GRIK4: variants seen among roughly 807,000 people sequenced by gnomAD.
GRIK4 encodes the protein glutamate receptor ionotropic, kainate 4.
Under a neutral mutation model 104.9 loss-of-function variants are expected in GRIK4, and 40 were observed. The ratio of observed to expected loss-of-function variants is 0.38; its 90% CI spans 0.30 to 0.50. GRIK4 has a LOEUF of 0.50. Ranked by LOEUF, GRIK4 falls within the 20% of genes least tolerant of loss-of-function variation. The pLI is 0.93. For synonymous variants in GRIK4, 485 were observed against 524.9 expected, an observed-to-expected ratio of 0.92 and a Z score of 1.04; for missense variants, 1,047 against 1,308.1, an observed-to-expected ratio of 0.80 and a Z score of 3.08.
chr11:120,868,353 G>A (rs1193636581), intron 9 of GRIK4: 4 of 152,212 alleles, frequency 2.6e-5, no homozygotes, highest in African/African-American at 7.2e-5. Context: ...GGCCAAGAAA[G>A]AGGAGAGGAT....
At chr11:120,980,815 T>C (rs998692422) in intron 19 of GRIK4, among the ~76,000 whole-genome samples, 1 of 152,142 alleles carries the variant, frequency 6.6e-6, no homozygotes, top group African/African-American at 2.4e-5. Flanking sequence ...AGATTTTCAG[T>C]TGTAGGCAGG....
At chr11:120,826,374 C>T (rs571866986) in intron 6 of GRIK4, among the ~76,000 whole-genome samples, 15 of 152,194 alleles carry the variant, frequency 9.9e-5, no homozygotes, top group South Asian at 6.2e-4. Context: ...TGGCCTGTCC[C>T]GGGACCTCTG....
In GRIK4 at chr11:120,939,107, A is replaced by G. The variant is rs1373855811; in HGVS notation, c.1477-1240A>G. On this transcript the variant is annotated intron_variant, in intron 13 of 20. Coordinates refer to ENST00000527524, the MANE Select transcript of GRIK4 (RefSeq NM_014619.5). This position sits in a 1 kb window ranked among gnomAD's most constrained non-coding sequence, Gnocchi z 5.6. Reference sequence around the variant, plus strand: ...TGGTTGTTAGAGTAGAGGATGCATTAGAACTGAGCACCAGTTCTGGGCTTT... The same window carrying G: ...TGGTTGTTAGAGTAGAGGATGCATTGGAACTGAGCACCAGTTCTGGGCTTT... Among the ~76,000 whole-genome samples, 1 of 140,370 alleles carries G rather than the reference A, an allele frequency of 7.1e-6. No individual in the cohort carries two copies. The highest frequency in any genetic ancestry group is 1.6e-5 in the Non-Finnish European group (1 of 62,158). 92.1% of individuals were successfully genotyped at this position (140,370 alleles called of 152,430 possible). A position where few individuals can be genotyped will look rare whatever the true frequency, so the allele number is the denominator to read the frequency against.
At chr11:120,724,799 T>C (rs1950999495) in intron 3 of GRIK4, among the ~76,000 whole-genome samples, 2 of 152,268 alleles carry the variant, frequency 1.3e-5, no homozygotes, top group Admixed American at 1.3e-4. Context: ...TGTTTTGTTC[T>C]GAATTTTACC....
chr11:120,921,919 T>A (rs1408207452), intron 13 of GRIK4, among the ~76,000 whole-genome samples: 1 of 152,180 alleles, frequency 6.6e-6, no homozygotes, highest in Non-Finnish European at 1.5e-5. Flanking sequence ...TTAGGATAAA[T>A]CTGCTCTATC....
chr11:120,753,544 TC>T (rs1951598820), intron 3 of GRIK4, among the ~76,000 whole-genome samples: 1 of 152,188 alleles, frequency 6.6e-6, no homozygotes, highest in Non-Finnish European at 1.5e-5. Context: ...GGAGACTGTT[TC>T]CCTGATGGTG....
intron 3 of GRIK4, among the ~76,000 whole-genome samples, chr11:120,739,017 C>T (rs972727977): frequency 3.9e-5 from 6 of 152,312 alleles, no homozygotes; most frequent in African/African-American, 1.4e-4. Flanking sequence ...AGAAGTTTCA[C>T]AGCAGGGCTG....
Position 120,986,280 on chromosome 11 carries a change from C to T in GRIK4, c.*20C>T. On this transcript the variant is annotated 3_prime_UTR_variant, in exon 21 of 21. Coordinates refer to ENST00000527524, the MANE Select transcript of GRIK4 (RefSeq NM_014619.5). ...GAGTAGTCCCGGAGGCCACAGGACG[C>T]GCAGAGGCCGGGCGGGGCGGGAGGG... is the stretch of plus-strand genomic sequence containing the variant. 3 of 1,489,176 alleles carry T rather than the reference C, an allele frequency of 2.0e-6. No individual in the cohort carries two copies. The highest frequency in any genetic ancestry group is 2.0e-5 in the Admixed American group (1 of 49,182). 92.2% of individuals were successfully genotyped at this position (1,489,176 alleles called of 1,614,324 possible).
intron 1 of GRIK4, among the ~76,000 whole-genome samples, chr11:120,531,582 C>CT (rs58143284): frequency 0.02 from 2,891 of 146,790 alleles, 78 homozygotes; most frequent in African/African-American, 0.063. Context: ...TTTTCTTTTT[C>CT]TTTTTTTTTT....
intron 3 of GRIK4, among the ~76,000 whole-genome samples, chr11:120,765,991 T>G (rs1474805835): frequency 6.6e-6 from 1 of 152,220 alleles, no homozygotes; most frequent in Admixed American, 6.5e-5. Flanking sequence ...TGCTGGGAGA[T>G]CCACTGCTCT....
At chr11:120,730,578 G>GT (rs35206662) in intron 3 of GRIK4, among the ~76,000 whole-genome samples, 70,912 of 150,724 alleles carry the variant, frequency 0.47, 17,152 homozygotes, top group South Asian at 0.54. Context: ...ATACATTTTA[G>GT]TTTTTTTTTC....
chr11:120,787,560 G>C (rs535668182), intron 3 of GRIK4, among the ~76,000 whole-genome samples: 1 of 151,118 alleles, frequency 6.6e-6, no homozygotes, highest in Middle Eastern at 3.2e-3. Context: ...TGCCTCCTGG[G>C]TTCAAGTGAT....
intron 3 of GRIK4, among the ~76,000 whole-genome samples, chr11:120,720,135 G>A (rs1280800138): frequency 6.6e-6 from 1 of 152,154 alleles, no homozygotes; most frequent in Non-Finnish European, 1.5e-5. Flanking sequence ...AGCAGGTTGT[G>A]TGTGTTGTGG....
chr11:120,700,454 A>G (rs757266213), intron 3 of GRIK4, among the ~76,000 whole-genome samples: 28 of 149,670 alleles, frequency 1.9e-4, no homozygotes, highest in Admixed American at 4.0e-4. Flanking sequence ...TTGTATTTTT[A>G]TTTTTTATTA....
chr11:120,873,799 A>G (rs560031232), intron 9 of GRIK4: 30 of 357,302 alleles, frequency 8.4e-5, no homozygotes, highest in Non-Finnish European at 1.3e-4. Context: ...ACTTGAAGTC[A>G]TGTGGGGCCC....
At chr11:120,871,654 G>C (rs1161919432) in intron 9 of GRIK4, 1 of 456,274 alleles carries the variant, frequency 2.2e-6, no homozygotes, top group Non-Finnish European at 4.4e-6. Flanking sequence ...AGACTCGACG[G>C]AGGCCGAGGG....
At chr11:120,698,868 A>G (rs981394633) in intron 3 of GRIK4, among the ~76,000 whole-genome samples, 5 of 152,100 alleles carry the variant, frequency 3.3e-5, no homozygotes, top group African/African-American at 1.2e-4. Flanking sequence ...ATTTTTCTCT[A>G]TTTTTGGTGC....
At chr11:120,782,226 C>G (rs932491992) in intron 3 of GRIK4, among the ~76,000 whole-genome samples, 1 of 151,962 alleles carries the variant, frequency 6.6e-6, no homozygotes, top group East Asian at 1.9e-4. Flanking sequence ...CTGTCCTGTC[C>G]GTCAGTCTAT....
intron 3 of GRIK4, among the ~76,000 whole-genome samples, chr11:120,681,413 T>G (rs1950191438): frequency 1.3e-5 from 2 of 152,166 alleles, no homozygotes; most frequent in Non-Finnish European, 2.9e-5. Flanking sequence ...GTGCGGTTCC[T>G]CTCTCTCGAG....
Sources: gnomAD v4.1 joint callset for allele counts (sites outside exome capture counted in the v4.1 genomes callset) on GRCh38, gnomAD v4.1.1 for gene constraint, Gnocchi (gnomAD v3.1) non-coding constraint, MANE v1.5 for transcripts, NCBI Gene and HGNC (gene_info 2026-07-23, HGNC 2026-07-21) for gene names.